FARP1: variants seen among roughly 807,000 people sequenced by gnomAD.
FARP1 encodes the protein FERM, ARHGEF and pleckstrin domain-containing protein 1.
In FARP1, 52 loss-of-function variants were observed where a neutral mutation model predicts 128.8. The ratio of observed to expected loss-of-function variants is 0.40; its 90% CI spans 0.32 to 0.51. The LOEUF (loss-of-function observed/expected upper bound fraction) is 0.51. FARP1 is among the 20% of genes least tolerant of loss of function. The probability of loss-of-function intolerance (pLI) is 0.45; values close to 1 mark genes in which losing one functional copy is unlikely to be tolerated. For synonymous variants in FARP1, 580 were observed against 551.8 expected (o/e 1.05, Z -0.72); for missense variants, 1,333 against 1,367.9 (o/e 0.97, Z 0.40).
intron 5 of FARP1, among the ~76,000 whole-genome samples, chr13:98,376,899 CT>C (rs1349897263): frequency 6.6e-6 from 1 of 151,526 alleles, no homozygotes; most frequent in East Asian, 1.9e-4. Context: ...TGTTGAGCAT[CT>C]TTTCATAAGC....
chr13:98,204,027 C>G (rs1189346266), intron 1 of FARP1: 1 of 152,254 alleles, frequency 6.6e-6, no homozygotes, highest in Non-Finnish European at 1.5e-5. Context: ...CCTCTTCTGC[C>G]AAGCACACAG....
At chr13:98,159,207 C>G (rs1376560770) in intron 1 of FARP1, among the ~76,000 whole-genome samples, 2 of 152,162 alleles carry the variant, frequency 1.3e-5, no homozygotes, top group Non-Finnish European at 2.9e-5. Context: ...ATGCTAGGCA[C>G]TGTGCTCAGC....
intron 1 of FARP1, among the ~76,000 whole-genome samples, chr13:98,208,771 C>T (rs1476543730): frequency 6.6e-5 from 10 of 152,152 alleles, no homozygotes; most frequent in Admixed American, 6.5e-4. Context: ...ATTTGAGTCG[C>T]TGTGGATGTG....
At chr13:98,267,184 A>G (rs562925849) in intron 2 of FARP1, among the ~76,000 whole-genome samples, 369 of 152,244 alleles carry the variant, frequency 2.4e-3, no homozygotes, top group Non-Finnish European at 4.6e-3. Flanking sequence ...TTAAAGATAC[A>G]CTCACACTCT....
At chr13:98,253,286 G>A (rs193085674) in intron 2 of FARP1, among the ~76,000 whole-genome samples, 89 of 152,352 alleles carry the variant, frequency 5.8e-4, no homozygotes, top group Non-Finnish European at 9.0e-4. Flanking sequence ...CACTGCTGGG[G>A]CTGCAGAAGA....
chr13:98,165,935 G>A (rs901380693), intron 1 of FARP1, among the ~76,000 whole-genome samples: 4 of 151,788 alleles, frequency 2.6e-5, no homozygotes, highest in African/African-American at 9.7e-5. Context: ...GGCCAGGCTC[G>A]TCTCGACCTC....
intron 2 of FARP1, among the ~76,000 whole-genome samples, chr13:98,309,166 T>C (rs1886330635): frequency 8.5e-6 from 1 of 117,032 alleles, no homozygotes; most frequent in Non-Finnish European, 1.8e-5. Flanking sequence ...TTTTTTTTTT[T>C]TTTTTTTTTT....
intron 3 of FARP1, among the ~76,000 whole-genome samples, chr13:98,357,067 C>T (rs538614249): frequency 1.3e-5 from 2 of 152,072 alleles, no homozygotes; most frequent in Admixed American, 1.3e-4. Context: ...TTTTGTTTAA[C>T]TTATTTGTGT....
chr13:98,222,950 A>G (rs1160620648), intron 2 of FARP1, among the ~76,000 whole-genome samples: 1 of 151,870 alleles, frequency 6.6e-6, no homozygotes, highest in Non-Finnish European at 1.5e-5. Context: ...GGTGCTCTTA[A>G]GTGGGCAGGA....
In FARP1 at chr13:98,318,230, A is replaced by AT. The variant is rs113664024; in HGVS notation, c.172-25523dup. On this transcript the variant is annotated intron_variant, in intron 2 of 26. Coordinates refer to ENST00000319562, the MANE Select transcript of FARP1 (RefSeq NM_005766.4). The stretch of plus-strand genomic sequence containing the variant: ...ACCACCACACCTGGCTAATTTTTGT[A>AT]TTTTTTTTTGTGGAGATATGGTCTC... Among the ~76,000 whole-genome samples the AT allele has an allele frequency of 7.9e-4, 119 of 149,888 alleles. No individual in the cohort carries two copies. In the East Asian group the frequency reaches 0.017, roughly 21 times the overall value.
In FARP1 at chr13:98,446,135, A is replaced by C. The variant is rs745471591; in HGVS notation, c.2834A>C (p.Asn945Thr). 2 of 1,613,952 alleles carry C rather than the reference A, an allele frequency of 1.2e-6. No individual in the cohort carries two copies. The highest frequency in any genetic ancestry group is 2.2e-5 in the South Asian group (2 of 91,084). Residue 945 changes from asparagine (N) to threonine (T), a missense_variant, in exon 25 of 27, where the codon AAC becomes ACC. Asn to Thr is a moderately conservative substitution (Grantham distance 65). Around this residue, in one of 2 missense-constraint regions of FARP1, gnomAD observed 1,009 missense variants for 969.8 expected, o/e 1.04. Transcript: ENST00000319562. Reference protein sequence around the residue: ...LSGNLLRKFKNSNGWQKLWVV... With the variant: ...LSGNLLRKFKTSNGWQKLWVV... ...GGAAACCTGCTGAGGAAATTCAAAAACAGCAACGGGTGGCAGAAGCTGTGG... is the reference window on the plus strand; with the variant it reads ...GGAAACCTGCTGAGGAAATTCAAAACCAGCAACGGGTGGCAGAAGCTGTGG...
At chr13:98,271,806 A>G (rs1392035446) in intron 2 of FARP1, among the ~76,000 whole-genome samples, 5 of 152,156 alleles carry the variant, frequency 3.3e-5, no homozygotes, top group Non-Finnish European at 5.9e-5. Context: ...TATCTAATCT[A>G]TCACTGATTT....
intron 2 of FARP1, among the ~76,000 whole-genome samples, chr13:98,239,262 C>T (rs780180945): frequency 1.3e-5 from 2 of 152,124 alleles, no homozygotes; most frequent in South Asian, 4.1e-4. Flanking sequence ...TACCCTGGAC[C>T]GACCCTGGTT....
chr13:98,295,077 A>G (rs1379176433), intron 2 of FARP1, among the ~76,000 whole-genome samples: 34 of 95,060 alleles, frequency 3.6e-4, no homozygotes, highest in Middle Eastern at 5.3e-3. Context: ...ACACACACAC[A>G]CACACACACA....
intron 2 of FARP1, among the ~76,000 whole-genome samples, chr13:98,300,404 C>T (rs910588626): frequency 3.3e-5 from 5 of 152,180 alleles, no homozygotes; most frequent in Non-Finnish European, 5.9e-5. Context: ...TCGTTCTAAC[C>T]GGCAGTGAAG....
intron 24 of FARP1, chr13:98,445,883 C>G: frequency 3.9e-6 from 2 of 516,926 alleles, no homozygotes; most frequent in Non-Finnish European, 6.9e-6. Flanking sequence ...CACAGGGACC[C>G]CAAGATGCCC....
At chr13:98,164,294 C>T (rs1420080900) in intron 1 of FARP1, among the ~76,000 whole-genome samples, 2 of 141,802 alleles carry the variant, frequency 1.4e-5, no homozygotes, top group African/African-American at 3.1e-5. Flanking sequence ...TGGCGGGTGA[C>T]GGAACATCTG....
intron 2 of FARP1, among the ~76,000 whole-genome samples, chr13:98,277,357 C>G (rs1884711679): frequency 6.6e-6 from 1 of 152,078 alleles, no homozygotes; most frequent in African/African-American, 2.4e-5. Flanking sequence ...TCTGTAGAAA[C>G]AGGATCTTGC....
intron 12 of FARP1, 97 bp from the exon 13 acceptor site, chr13:98,395,129 CG>C: frequency 7.0e-7 from 1 of 1,435,898 alleles, no homozygotes; most frequent in Non-Finnish European, 9.3e-7. Flanking sequence ...GCAGAGGCCT[CG>C]GGTGTTCTTG....
Sources: gnomAD v4.1 joint callset for allele counts (sites outside exome capture counted in the v4.1 genomes callset) on GRCh38, gnomAD v4.1.1 for gene constraint, gnomAD v4.1.1 regional missense constraint, MANE v1.5 for transcripts, NCBI Gene and HGNC (gene_info 2026-07-23, HGNC 2026-07-21) for gene names.